The following HOXA3 variants were observed in gnomAD, a reference collection of about 807,000 sequenced individuals.
HOXA3 encodes the protein homeobox protein Hox-A3.
HOXA3 carries 8 observed loss-of-function variants against 30.3 expected under a neutral mutation model. That is an observed-to-expected ratio of 0.26 (90% confidence interval 0.15 to 0.48). HOXA3 has a LOEUF of 0.48. Ranked by LOEUF, HOXA3 falls within the 20% of genes least tolerant of loss-of-function variation. The pLI, the probability that HOXA3 is intolerant of heterozygous loss-of-function variation, is 0.99. For missense variants in HOXA3, 653 were observed against 614.4 expected, an observed-to-expected ratio of 1.06 and a Z score of -0.66; for synonymous variants, 323 against 273.1, an observed-to-expected ratio of 1.18 and a Z score of -1.80.
intron 2 of HOXA3, among the ~76,000 whole-genome samples, chr7:27,135,904 G>A (rs140534874): frequency 1.2e-3 from 184 of 152,258 alleles, no homozygotes; most frequent in African/African-American, 2.6e-3. Flanking sequence ...GAATGGGAGC[G>A]ATAATTCAAG....
chr7:27,143,292 C>T (rs1782640026), intron 1 of HOXA3: 2 of 1,602,848 alleles, frequency 1.2e-6, no homozygotes, highest in African/African-American at 1.3e-5. Flanking sequence ...GAGGGGGCCA[C>T]GGCGGAGCAG....
At position 27,147,355 on chromosome 7, in the gene HOXA3, T is replaced by C. The variant is rs750930173; in HGVS notation, c.-494+4933A>G. On this transcript the variant is annotated intron_variant, in intron 1 of 5. Transcript: ENST00000612286. ...CATCCAAGGGTAAACCGGGCTCGTG[T>C]ACTTCCGGTCGGCGCCTTCGTCATG... is the stretch of plus-strand genomic sequence containing the variant. 5.6e-6 allele frequency: 9 copies of C among 1,614,084 alleles called. No individual in the cohort carries two copies. In the East Asian group the frequency reaches 2.0e-4, roughly 36 times the overall value.
chr7:27,144,938 TGGGAGCGGGAATCCGGAGCC>T (rs1474788203), intron 1 of HOXA3, among the ~76,000 whole-genome samples: 2 of 152,170 alleles, frequency 1.3e-5, no homozygotes. Flanking sequence ...TATCGGAGGC[TGGGAGCGGGAATCCGGAGCC>T]GGGAGCCTAC....
chr7:27,130,666 T>G, intron 2 of HOXA3: 1 of 1,606,856 alleles, frequency 6.2e-7, no homozygotes, highest in Non-Finnish European at 8.5e-7. Context: ...GTGCTGCGCG[T>G]ACTCCTCGAA....
At chr7:27,130,502 T>C in intron 2 of HOXA3, 1 of 1,290,792 alleles carries the variant, frequency 7.7e-7, no homozygotes, top group African/African-American at 1.6e-5. Flanking sequence ...TCGCGGGCGG[T>C]CCGCGGCGCG....
At chr7:27,109,790 T>C (rs925035816) in intron 5 of HOXA3, among the ~76,000 whole-genome samples, 1 of 152,190 alleles carries the variant, frequency 6.6e-6, no homozygotes, top group Non-Finnish European at 1.5e-5. Flanking sequence ...GCTAAAAAGA[T>C]AGACAGTGGA....
chr7:27,119,607 T>C (rs1583384733), intron 4 of HOXA3: 1 of 152,196 alleles, frequency 6.6e-6, no homozygotes, highest in African/African-American at 2.4e-5. Context: ...CCTCAGGCCA[T>C]ATTCTTTTTT....
At chr7:27,133,308 A>G (rs1194895802) in intron 2 of HOXA3, among the ~76,000 whole-genome samples, 2 of 152,258 alleles carry the variant, frequency 1.3e-5, no homozygotes, top group African/African-American at 4.8e-5. Flanking sequence ...AACATTTAAA[A>G]AAAATACCTC....
rs752369014 is a variant in HOXA3, at chr7:27,141,870, T to C, written c.-493-1684A>G. The C allele has an allele frequency of 5.0e-6, 8 of 1,614,226 alleles. No homozygotes were observed. The South Asian group carries it at 8.8e-5, about 18-fold the overall frequency. ...AAGGCCCCTCCTGCCGCGGCCATGCTCATGCTTTTCAGCTTATTATCTTTT... is the reference window on the plus strand; with the variant it reads ...AAGGCCCCTCCTGCCGCGGCCATGCCCATGCTTTTCAGCTTATTATCTTTT... On this transcript the variant is annotated intron_variant, in intron 1 of 5. Transcript: ENST00000612286.
At chr7:27,138,651 A>G (rs1039018073) in intron 2 of HOXA3, among the ~76,000 whole-genome samples, 1 of 152,180 alleles carries the variant, frequency 6.6e-6, no homozygotes, top group African/African-American at 2.4e-5. Context: ...GGGTTTTGCC[A>G]TTGAAGAATA....
intron 5 of HOXA3, 173 bp downstream of exon 5, chr7:27,109,942 T>C: frequency 1.3e-6 from 1 of 741,142 alleles, no homozygotes; most frequent in East Asian, 2.7e-5. Flanking sequence ...TACAGAGGCC[T>C]ATCACCTCCC....
intron 2 of HOXA3, among the ~76,000 whole-genome samples, chr7:27,132,952 G>A (rs4719884): frequency 0.21 from 31,202 of 152,110 alleles, 3,596 homozygotes; most frequent in South Asian, 0.3. Context: ...TTTAGCCTCA[G>A]AACCTTGTAC....
rs1784098075 is a variant in HOXA3, at chr7:27,107,852, A to AG, written c.*62dup. On this transcript the variant is annotated 3_prime_UTR_variant, in exon 6 of 6. Coordinates refer to ENST00000612286, the MANE Select transcript of HOXA3 (RefSeq NM_153631.3). ...GAACCTAAAAAAAAAAAAAAAAAAA[A>AG]GCAACCAAAGAAAAAAGGTGGGTGG... The AG allele has an allele frequency of 1.0e-6, 1 of 985,598 alleles. No homozygotes were observed. Among genetic ancestry groups the AG allele is most frequent in the Admixed American group, 2.9e-5 (1 of 34,748 alleles). 61.1% of individuals were successfully genotyped at this position (985,598 alleles called of 1,614,324 possible).
intron 1 of HOXA3, among the ~76,000 whole-genome samples, chr7:27,143,982 T>C (rs112395035): frequency 1.8e-3 from 275 of 152,358 alleles, no homozygotes; most frequent in African/African-American, 6.3e-3. Flanking sequence ...CGGGGTCGAA[T>C]TGAGGTTACA....
At chr7:27,145,116 G>C (rs897990790) in intron 1 of HOXA3, among the ~76,000 whole-genome samples, 3 of 152,236 alleles carry the variant, frequency 2.0e-5, no homozygotes, top group Admixed American at 2.0e-4. Flanking sequence ...TGTTCTGGGA[G>C]GCGGCTTGGG....
intron 2 of HOXA3, among the ~76,000 whole-genome samples, chr7:27,131,040 C>T (rs1785541290): frequency 6.6e-6 from 1 of 152,242 alleles, no homozygotes; most frequent in Admixed American, 6.5e-5. Context: ...TGCTGTCCGG[C>T]CCCTGGGCTG....
At chr7:27,111,668 A>T (rs1276707191) in intron 4 of HOXA3, among the ~76,000 whole-genome samples, 1 of 152,052 alleles carries the variant, frequency 6.6e-6, no homozygotes, top group Admixed American at 6.5e-5. Context: ...GAAGGTTCCC[A>T]GAACCTCCTG....
chr7:27,142,847 C>T (rs1404626195), intron 1 of HOXA3: 4 of 541,342 alleles, frequency 7.4e-6, no homozygotes, highest in Non-Finnish European at 1.3e-5. Context: ...CGCCCATTTC[C>T]CCCACTATTT....
intron 2 of HOXA3, chr7:27,129,587 C>T: frequency 6.2e-7 from 1 of 1,609,266 alleles, no homozygotes. Flanking sequence ...AACCCAGAAC[C>T]CCGAAATAGA....
Sources: allele counts gnomAD v4.1 joint callset (sites outside exome capture counted in the v4.1 genomes callset), GRCh38; gene constraint gnomAD v4.1.1; transcripts MANE v1.5; gene names NCBI Gene and HGNC (gene_info 2026-07-23, HGNC 2026-07-21).